KIAA1217: variants seen among roughly 807,000 people sequenced by gnomAD.
KIAA1217 encodes KIAA1217, also known as sickle tail protein homolog.
Under a neutral mutation model 163.9 loss-of-function variants are expected in KIAA1217, and 88 were observed. The ratio of observed to expected loss-of-function variants is 0.54; its 90% CI spans 0.45 to 0.64. The LOEUF is 0.64. KIAA1217 is among the 30% of genes least tolerant of loss of function. The pLI is 0.00. For missense variants in KIAA1217, 2,372 were observed against 2,475.0 expected (o/e 0.96, Z 0.88); for synonymous variants, 903 against 923.1 (o/e 0.98, Z 0.39).
intron 2 of KIAA1217, 105 bp from the exon 3 acceptor site, chr10:24,380,764 C>G (rs1342667099): frequency 2.4e-6 from 2 of 838,644 alleles, no homozygotes; most frequent in African/African-American, 1.7e-5. Context: ...GACTGTTACC[C>G]CTTGCCATAT....
At chr10:23,812,934 T>C (rs1837140984) in intron 1 of KIAA1217, among the ~76,000 whole-genome samples, 1 of 152,234 alleles carries the variant, frequency 6.6e-6, no homozygotes, top group South Asian at 2.1e-4. Context: ...TGTGGACCTA[T>C]GTTTTTCTCT....
intron 10 of KIAA1217, among the ~76,000 whole-genome samples, chr10:24,514,590 A>C (rs907708790): frequency 6.6e-6 from 1 of 152,210 alleles, no homozygotes; most frequent in Non-Finnish European, 1.5e-5. Context: ...GACAGAGTTA[A>C]TCACCCACCA....
chr10:24,308,044 T>A (rs183302947), intron 2 of KIAA1217, among the ~76,000 whole-genome samples: 111 of 152,308 alleles, frequency 7.3e-4, no homozygotes, highest in African/African-American at 2.5e-3. Flanking sequence ...AAGAAAAATA[T>A]AGCCTAAGAT....
intron 2 of KIAA1217, among the ~76,000 whole-genome samples, chr10:24,339,176 A>G (rs2046758665): frequency 6.6e-6 from 1 of 152,148 alleles, no homozygotes; most frequent in South Asian, 2.1e-4. Flanking sequence ...CTTATCTCTA[A>G]TTAACCTCGT....
chr10:23,806,164 T>C (rs1186484230), intron 1 of KIAA1217, among the ~76,000 whole-genome samples: 1 of 152,112 alleles, frequency 6.6e-6, no homozygotes, highest in African/African-American at 2.4e-5. Flanking sequence ...GGGATGTGTG[T>C]GTGTACACAT....
chr10:24,197,365 A>G (rs764068559), intron 2 of KIAA1217, among the ~76,000 whole-genome samples: 1 of 152,236 alleles, frequency 6.6e-6, no homozygotes, highest in Non-Finnish European at 1.5e-5. Flanking sequence ...TGTTGGCAGA[A>G]TGTTGAATTT....
chr10:23,970,671 T>G (rs1845276887), intron 1 of KIAA1217, among the ~76,000 whole-genome samples: 1 of 152,170 alleles, frequency 6.6e-6, no homozygotes, highest in African/African-American at 2.4e-5. Flanking sequence ...ATGATAACTA[T>G]GTGAAATGAA....
At chr10:23,753,747 A>G (rs1833774658) in intron 1 of KIAA1217, among the ~76,000 whole-genome samples, 1 of 152,198 alleles carries the variant, frequency 6.6e-6, no homozygotes, top group Admixed American at 6.5e-5. Context: ...ATCCAAACTA[A>G]TCTCAACAGT....
chr10:23,981,202 A>G (rs1245896685), intron 1 of KIAA1217, among the ~76,000 whole-genome samples: 1 of 152,210 alleles, frequency 6.6e-6, no homozygotes, highest in African/African-American at 2.4e-5. Context: ...TTATTTTGGT[A>G]CTTTCTGAAA....
intron 1 of KIAA1217, among the ~76,000 whole-genome samples, chr10:23,876,927 A>G (rs184993425): frequency 9.2e-5 from 14 of 152,108 alleles, no homozygotes; most frequent in Admixed American, 9.2e-4. Flanking sequence ...AGTGCAGCAG[A>G]GAGGACATTG....
At chr10:24,489,860 C>CAAAAAA (rs11393718) in intron 6 of KIAA1217, among the ~76,000 whole-genome samples, 9 of 64,914 alleles carry the variant, frequency 1.4e-4, no homozygotes, top group Admixed American at 2.2e-4. Context: ...GAGAACCTGT[C>CAAAAAA]AAAAAAAAAA....
intron 2 of KIAA1217, among the ~76,000 whole-genome samples, chr10:24,286,724 A>G (rs16924466): frequency 0.089 from 13,496 of 152,218 alleles, 805 homozygotes; most frequent in African/African-American, 0.17. Context: ...AGGAATGGTA[A>G]AAATCCTAAT....
At chr10:23,703,453 C>G (rs1477651519) in intron 1 of KIAA1217, among the ~76,000 whole-genome samples, 2 of 152,110 alleles carry the variant, frequency 1.3e-5, no homozygotes. Flanking sequence ...CTGAAAAGTA[C>G]AAAGACGACA....
intron 1 of KIAA1217, among the ~76,000 whole-genome samples, chr10:23,962,950 A>T (rs1352504010): frequency 6.6e-6 from 1 of 152,186 alleles, no homozygotes; most frequent in African/African-American, 2.4e-5. Flanking sequence ...TACATGTAGA[A>T]TGTTATTAGA....
intron 1 of KIAA1217, among the ~76,000 whole-genome samples, chr10:23,871,369 A>C (rs117489634): frequency 0.033 from 4,962 of 152,116 alleles, 95 homozygotes; most frequent in Middle Eastern, 0.12. Flanking sequence ...CAGACAAACC[A>C]CATGTGCGGT....
intron 3 of KIAA1217, among the ~76,000 whole-genome samples, chr10:24,414,252 A>G (rs756354967): frequency 3.5e-4 from 53 of 152,376 alleles, no homozygotes; most frequent in Admixed American, 9.8e-4. Flanking sequence ...GAAAGGGGAC[A>G]CAGACTATTA....
At chr10:24,284,525 C>A (rs911775408) in intron 2 of KIAA1217, among the ~76,000 whole-genome samples, 1 of 152,196 alleles carries the variant, frequency 6.6e-6, no homozygotes, top group Admixed American at 6.5e-5. Flanking sequence ...TGGCCTCCAG[C>A]TGCATCCATG....
At chr10:23,903,266 A>T (rs1842024066) in intron 1 of KIAA1217, among the ~76,000 whole-genome samples, 1 of 152,130 alleles carries the variant, frequency 6.6e-6, no homozygotes, top group South Asian at 2.1e-4. Flanking sequence ...AATATTGGTG[A>T]TTCTATAATA....
At position 23,805,657 on chromosome 10, in the gene KIAA1217, A is replaced by C. The variant is rs560772339; in HGVS notation, c.-321+110423A>C. ...GTTTGCCTATGTAACAAACCTTAAC[A>C]TGTACCACTGAACTTAAAAGTTAAA... On this transcript the variant is annotated intron_variant, in intron 1 of 18. Coordinates refer to the KIAA1217 transcript ENST00000376462. Among the ~76,000 whole-genome samples the C allele has an allele frequency of 2.6e-4, 39 of 152,252 alleles. 1 individual carries two copies. The highest frequency in any genetic ancestry group is 9.4e-4 in the African/African-American group (39 of 41,542).
Sources: gnomAD v4.1 joint callset for allele counts (sites outside exome capture counted in the v4.1 genomes callset) on GRCh38, gnomAD v4.1.1 for gene constraint, MANE v1.5 for transcripts, NCBI Gene and HGNC (gene_info 2026-07-23, HGNC 2026-07-21) for gene names.